Variants in RAB11FIP4 observed in about 807,000 individuals in gnomAD.
RAB11FIP4 encodes the protein rab11 family-interacting protein 4.
In RAB11FIP4, 23 loss-of-function variants were observed where a neutral mutation model predicts 74.3. The observed-to-expected ratio is 0.31, with a 90% CI of 0.22 to 0.44. RAB11FIP4 has a LOEUF of 0.44. Ranked by LOEUF, RAB11FIP4 falls within the 20% of genes least tolerant of loss-of-function variation. The pLI is 1.00. For synonymous variants in RAB11FIP4, 360 were observed against 359.9 expected, an observed-to-expected ratio of 1.00 and a Z score of 0.00; for missense variants, 630 against 863.9, an observed-to-expected ratio of 0.73 and a Z score of 3.39.
In RAB11FIP4 at chr17:31,534,816, C is replaced by T. The variant is rs1393718859; in HGVS notation, c.*3084C>T. 1 of 154,012 alleles carries T rather than the reference C, an allele frequency of 6.5e-6. No individual in the cohort carries two copies. The highest frequency in any genetic ancestry group is 2.4e-5 in the African/African-American group (1 of 41,406). The allele number at this position is 154,012 out of a possible 1,614,324, so 9.5% of individuals were successfully genotyped here. A position where few individuals can be genotyped will look rare whatever the true frequency, so the allele number is the denominator to read the frequency against. On this transcript the variant is annotated 3_prime_UTR_variant, in exon 15 of 15. Transcript: ENST00000621161. ...ATTTAGAGGTGTTTTGGGGGTGGGG[C>T]GAGGGTTTCTGTAGTAGACTCAGAT...
intron 1 of RAB11FIP4, among the ~76,000 whole-genome samples, chr17:31,402,209 C>G (rs1050166456): frequency 6.6e-6 from 1 of 151,594 alleles, no homozygotes; most frequent in African/African-American, 2.4e-5. Context: ...ATCCATCCAT[C>G]CATCCATCCA....
At chr17:31,416,942 C>T (rs767302937) in intron 1 of RAB11FIP4, among the ~76,000 whole-genome samples, 1 of 152,006 alleles carries the variant, frequency 6.6e-6, no homozygotes. Context: ...ACATACAGGC[C>T]CTTTGCCTGG....
At chr17:31,524,090 T>C (rs914349662) in intron 9 of RAB11FIP4, 94 bp downstream of exon 9, 1 of 864,910 alleles carries the variant, frequency 1.2e-6, no homozygotes, top group Non-Finnish European at 1.9e-6. Flanking sequence ...GGCAGCCTCA[T>C]GCCTTTGCAG....
intron 3 of RAB11FIP4, among the ~76,000 whole-genome samples, chr17:31,450,357 A>C (rs1179609686): frequency 7.0e-6 from 1 of 142,480 alleles, no homozygotes; most frequent in African/African-American, 2.6e-5. Flanking sequence ...TATTATTATT[A>C]TTATTGAGAC....
rs61462778 is a variant in RAB11FIP4, at chr17:31,537,571, C to A, written c.*5839C>A. 1 of 182,586 alleles carries A rather than the reference C, an allele frequency of 5.5e-6. No individual in the cohort carries two copies. The highest frequency in any genetic ancestry group is 1.1e-5 in the Non-Finnish European group (1 of 87,860). 11.3% of individuals were successfully genotyped at this position (182,586 alleles called of 1,614,324 possible). A position where few individuals can be genotyped will look rare whatever the true frequency, so the allele number is the denominator to read the frequency against. ...GGCCCCAGCAGGGATATCATGGGAC[C>A]GCAGCCGCTCCGTGCACTGTCTCTG... On this transcript the variant is annotated 3_prime_UTR_variant, in exon 15 of 15. Transcript: ENST00000621161.
At chr17:31,505,622 TATAATTATATA>T (rs1280169096) in intron 3 of RAB11FIP4, among the ~76,000 whole-genome samples, 13,179 of 87,942 alleles carry the variant, frequency 0.15, 1,105 homozygotes, top group Non-Finnish European at 0.21. Flanking sequence ...ATATATAATA[TATAATTATATA>T]ATAATAATTA....
At chr17:31,528,833 G>T in intron 13 of RAB11FIP4, 55 bp downstream of exon 13, 1 of 1,557,520 alleles carries the variant, frequency 6.4e-7, no homozygotes. Flanking sequence ...CCCACCACGT[G>T]GGTTTCCTGT....
At chr17:31,474,882 C>CA (rs200396532) in intron 3 of RAB11FIP4, among the ~76,000 whole-genome samples, 4,676 of 124,194 alleles carry the variant, frequency 0.038, 194 homozygotes, top group East Asian at 0.17. Context: ...AAACAAAAAA[C>CA]AAAAAAAAAA....
In RAB11FIP4 at chr17:31,530,386, C is replaced by G. The variant is rs766771817; in HGVS notation, c.1714C>G (p.Leu572Val). 1.2e-6 allele frequency: 2 copies of G among 1,614,180 alleles called. No individual in the cohort carries two copies. Among genetic ancestry groups the G allele is most frequent in the Non-Finnish European group, 1.7e-6 (2 of 1,180,022 alleles). The change falls in exon 14 of 15, where the codon CTC (leucine) becomes GTC (valine). Residue 572 changes from leucine to valine, a missense_variant. Physicochemically the swap from Leu to Val is conservative, Grantham distance 32 (BLOSUM62 1). Transcript: ENST00000621161. ...DLNGQILSLS[L>V]YEAKNLFAAQ... ...GAATGGGCAGATTTTGAGCCTCAGC[C>G]TCTACGAAGCAAAAAACCTCTTTGC...
At chr17:31,478,391 A>G (rs1172730201) in intron 3 of RAB11FIP4, among the ~76,000 whole-genome samples, 1 of 152,102 alleles carries the variant, frequency 6.6e-6, no homozygotes, top group Admixed American at 6.6e-5. Flanking sequence ...CAGAACACTG[A>G]TCCCTTGTGT....
At position 31,535,130 on chromosome 17, in the gene RAB11FIP4, C is replaced by T. The variant is rs1295417623; in HGVS notation, c.*3398C>T. On this transcript the variant is annotated 3_prime_UTR_variant, in exon 15 of 15. Transcript: ENST00000621161. ...TGACTTTATTTCTGACCTATTAAAA[C>T]ATGAACAGGCCAGGCATGGTGGCTC... is the stretch of plus-strand genomic sequence containing the variant. 4 of 152,192 alleles carry T rather than the reference C, an allele frequency of 2.6e-5. No homozygotes were observed. Among genetic ancestry groups the T allele is most frequent in the African/African-American group, 9.7e-5 (4 of 41,370 alleles). 9.4% of individuals were successfully genotyped at this position (152,192 alleles called of 1,614,324 possible).
intron 1 of RAB11FIP4, among the ~76,000 whole-genome samples, chr17:31,405,953 G>A (rs953338458): frequency 6.6e-6 from 1 of 151,956 alleles, no homozygotes; most frequent in African/African-American, 2.4e-5. Context: ...CCCAGGCACC[G>A]ACTGGCCCTC....
At chr17:31,399,082 C>G (rs2070959682) in intron 1 of RAB11FIP4, among the ~76,000 whole-genome samples, 3 of 152,142 alleles carry the variant, frequency 2.0e-5, no homozygotes, top group African/African-American at 4.8e-5. Context: ...TGCCTCAGCC[C>G]TGGAGTGTAG....
chr17:31,394,249 G>A (rs886293778), intron 1 of RAB11FIP4, among the ~76,000 whole-genome samples: 1 of 152,210 alleles, frequency 6.6e-6, no homozygotes, highest in African/African-American at 2.4e-5. Flanking sequence ...CTGTTTCCAT[G>A]CTTATATGTC....
At chr17:31,528,154 TAACACCTTCAATTC>T (rs973402303) in intron 11 of RAB11FIP4, among the ~76,000 whole-genome samples, 1 of 152,248 alleles carries the variant, frequency 6.6e-6, no homozygotes, top group African/African-American at 2.4e-5. Context: ...CTATTTGGGC[TAACACCTTCAATTC>T]AGGTTGCATC....
chr17:31,493,247 G>T (rs1433037278), intron 3 of RAB11FIP4, among the ~76,000 whole-genome samples: 5 of 152,220 alleles, frequency 3.3e-5, no homozygotes, highest in Admixed American at 6.5e-5. Flanking sequence ...TAATTCAGAT[G>T]AAAACAAAGC....
intron 1 of RAB11FIP4, among the ~76,000 whole-genome samples, chr17:31,419,892 CAG>C (rs367887012): frequency 1.3e-5 from 2 of 152,208 alleles, no homozygotes; most frequent in East Asian, 1.9e-4. Flanking sequence ...GTTTGGGTAA[CAG>C]GGTATTATTG....
Position 31,511,550 on chromosome 17 carries a change from T to C in RAB11FIP4, c.337-6101T>C, listed in dbSNP as rs189829079. ...TGCTAACCACTGGGGTTCTGACATG[T>C]AAATCCCCATAGCTACCCACTTAGG... is the stretch of plus-strand genomic sequence containing the variant. On this transcript the variant is annotated intron_variant, in intron 3 of 14. Transcript: ENST00000621161. Among the ~76,000 whole-genome samples, 16 of 152,326 alleles carry C rather than the reference T, an allele frequency of 1.1e-4. 1 individual carries two copies. The East Asian group carries it at 3.1e-3, about 29-fold the overall frequency.
intron 3 of RAB11FIP4, chr17:31,488,089 G>T (rs1411664643): frequency 5.9e-6 from 6 of 1,015,400 alleles, no homozygotes; most frequent in Non-Finnish European, 7.1e-6. Flanking sequence ...CAACGGGCGG[G>T]GGCGGGGCCG....
Sources: gnomAD v4.1 joint callset for allele counts (sites outside exome capture counted in the v4.1 genomes callset) on GRCh38, gnomAD v4.1.1 for gene constraint, MANE v1.5 for transcripts, NCBI Gene and HGNC (gene_info 2026-07-23, HGNC 2026-07-21) for gene names.